Variants in RPSA2 observed in about 807,000 individuals in gnomAD.
The protein encoded by RPSA2 is small ribosomal subunit protein uS2B.
At chr19:23,866,425 G>A in the RPSA2 span, among the ~76,000 whole-genome samples, 1 of 152,128 alleles carries the variant, frequency 6.6e-6, no homozygotes, top group Non-Finnish European at 1.5e-5. Context: ...CCCTAAAGTG[G>A]GAGAATGTTA....
At chr19:23,762,676 C>CAA in the RPSA2 span, among the ~76,000 whole-genome samples, 122,849 of 130,104 alleles carry the variant, frequency 0.94, 58,036 homozygotes, top group East Asian at 0.98. Flanking sequence ...AACTCGGTCT[C>CAA]AAAAAAAAAA....
chr19:23,778,825 C>T, the RPSA2 span, among the ~76,000 whole-genome samples: 2 of 151,862 alleles, frequency 1.3e-5, no homozygotes, highest in South Asian at 4.1e-4. Flanking sequence ...TTGCCTGGGC[C>T]GATCAATTTG....
At chr19:23,767,949 T>G in the RPSA2 span, among the ~76,000 whole-genome samples, 1 of 151,924 alleles carries the variant, frequency 6.6e-6, no homozygotes, top group African/African-American at 2.4e-5. Flanking sequence ...CTATTTTTAG[T>G]AGAGACGGGG....
the RPSA2 span, chr19:23,843,197 C>T: frequency 2.0e-5 from 5 of 245,946 alleles, no homozygotes; most frequent in East Asian, 2.1e-4. Flanking sequence ...TGTCTCTGTA[C>T]CTGATCTGAT....
the RPSA2 span, among the ~76,000 whole-genome samples, chr19:23,811,431 T>C: frequency 2.1e-4 from 32 of 152,314 alleles, no homozygotes; most frequent in Non-Finnish European, 3.2e-4. Flanking sequence ...GTGTAAACCA[T>C]GATGCGTGAT....
chr19:23,831,912 T>C, the RPSA2 span: 2 of 302,388 alleles, frequency 6.6e-6, no homozygotes, highest in South Asian at 7.7e-5. Context: ...TCAAATCATT[T>C]TGCATGCTTT....
chr19:23,785,986 C>T, the RPSA2 span, among the ~76,000 whole-genome samples: 2 of 152,116 alleles, frequency 1.3e-5, no homozygotes, highest in Admixed American at 1.3e-4. Context: ...TGTGCACACC[C>T]CACCAATTGT....
At chr19:23,847,888 C>T in the RPSA2 span, among the ~76,000 whole-genome samples, 1 of 152,136 alleles carries the variant, frequency 6.6e-6, no homozygotes, top group Non-Finnish European at 1.5e-5. Context: ...GACATCTTCC[C>T]TACTTGCACA....
the RPSA2 span, among the ~76,000 whole-genome samples, chr19:23,835,184 G>A: frequency 0.049 from 7,302 of 147,566 alleles, 319 homozygotes; most frequent in South Asian, 0.082. Context: ...ACATTTCTGA[G>A]TCCTTAATAA....
chr19:23,812,085 T>C, the RPSA2 span, among the ~76,000 whole-genome samples: 1 of 152,204 alleles, frequency 6.6e-6, no homozygotes, highest in Non-Finnish European at 1.5e-5. Context: ...TGTACATTGA[T>C]GTTGCCAACT....
At chr19:23,760,669 A>AT in the RPSA2 span, among the ~76,000 whole-genome samples, 1 of 83,320 alleles carries the variant, frequency 1.2e-5, no homozygotes, top group Non-Finnish European at 2.6e-5. Flanking sequence ...ATATATATAT[A>AT]TTTTTTTTTT....
chr19:23,783,981 C>G, the RPSA2 span, among the ~76,000 whole-genome samples: 1 of 152,116 alleles, frequency 6.6e-6, no homozygotes, highest in South Asian at 2.1e-4. Context: ...GGTGCATGCT[C>G]TCGGGGAAGA....
chr19:23,853,416 C>T, the RPSA2 span, among the ~76,000 whole-genome samples: 73 of 152,282 alleles, frequency 4.8e-4, 1 homozygote, highest in Admixed American at 4.7e-3. Flanking sequence ...TCCACATGTC[C>T]AAGTTGTAAC....
At chr19:23,831,367 G>A in the RPSA2 span, among the ~76,000 whole-genome samples, 5 of 152,106 alleles carry the variant, frequency 3.3e-5, no homozygotes, top group Admixed American at 3.3e-4. Context: ...TTTTTTCTTT[G>A]TGCTCACCTG....
At chr19:23,870,852 C>A in the RPSA2 span, among the ~76,000 whole-genome samples, 1 of 152,170 alleles carries the variant, frequency 6.6e-6, no homozygotes, top group Non-Finnish European at 1.5e-5. Context: ...CCACTGGAAG[C>A]TATATGATCA....
chr19:23,837,071 A>G, the RPSA2 span, among the ~76,000 whole-genome samples: 8 of 152,152 alleles, frequency 5.3e-5, no homozygotes, highest in Non-Finnish European at 8.8e-5. Flanking sequence ...AATGCCTAGA[A>G]GAGTTTTTTC....
the RPSA2 span, chr19:23,782,014 C>T: frequency 6.5e-6 from 1 of 155,030 alleles, no homozygotes; most frequent in East Asian, 1.9e-4. Flanking sequence ...GTGCTACCCA[C>T]AGGTGTATTG....
the RPSA2 span, among the ~76,000 whole-genome samples, chr19:23,861,710 T>C: frequency 3.3e-5 from 5 of 152,138 alleles, no homozygotes; most frequent in Non-Finnish European, 5.9e-5. Flanking sequence ...CCAATCTCCA[T>C]TCCTGACCAT....
chr19:23,865,771 G>T, the RPSA2 span, among the ~76,000 whole-genome samples: 1 of 152,136 alleles, frequency 6.6e-6, no homozygotes, highest in Admixed American at 6.5e-5. Context: ...ATTACCATAA[G>T]GCTTGATCTG....
Sources: allele counts gnomAD v4.1 joint callset (sites outside exome capture counted in the v4.1 genomes callset), GRCh38; gene constraint gnomAD v4.1.1; transcripts MANE v1.5; gene names NCBI Gene and HGNC (gene_info 2026-07-23, HGNC 2026-07-21).